BCOR: variants seen among roughly 807,000 people sequenced by gnomAD.
The protein encoded by BCOR is BCL6 corepressor, also known as BCL-6 corepressor.
A neutral mutation model predicts 86.7 loss-of-function variants in BCOR; 10 were observed. The observed-to-expected ratio is 0.12, with a 90% CI of 0.07 to 0.20. BCOR has a LOEUF of 0.20. Ranked by LOEUF, BCOR falls within the 10% of genes least tolerant of loss-of-function variation. The probability of loss-of-function intolerance (pLI) is 1.00; values close to 1 mark genes in which losing one functional copy is unlikely to be tolerated. For synonymous variants in BCOR, 611 were observed against 609.0 expected, an observed-to-expected ratio of 1.00 and a Z score of -0.05; for missense variants, 1,259 against 1,452.1, an observed-to-expected ratio of 0.87 and a Z score of 2.16.
rs182973004 is a variant in BCOR at position 40,075,352 on chromosome X, C to T, written c.166-172G>A. Reference sequence around the variant, plus strand: ...GGGGTCTGTTTCCCCACCCCCTTATCCAAACCCCTTTGCTGCCTGCCTTCT... The same window carrying T: ...GGGGTCTGTTTCCCCACCCCCTTATTCAAACCCCTTTGCTGCCTGCCTTCT... On this transcript the variant is annotated intron_variant, in intron 3 of 14. Transcript: ENST00000378444. 7.3e-3 allele frequency among the ~76,000 whole-genome samples: 807 copies of T among 111,270 alleles called. 3 individuals carry two copies. Among genetic ancestry groups the T allele is most frequent in the Middle Eastern group, 0.023 (5 of 219 alleles).
chrX:40,158,359 C>T (rs888336663), intron 1 of BCOR, among the ~76,000 whole-genome samples: 3 of 111,952 alleles, frequency 2.7e-5, no homozygotes, highest in African/African-American at 9.7e-5. Context: ...GCAGGCGGCG[C>T]TGCCCCCGGC....
chrX:40,117,954 C>A (rs1937420628), intron 1 of BCOR, among the ~76,000 whole-genome samples: 1 of 94,789 alleles, frequency 1.1e-5, no homozygotes, highest in Admixed American at 1.1e-4. Flanking sequence ...ACTATGCTCG[C>A]ACTCTTTCTC....
chrX:40,150,681 C>T (rs1291836578), intron 1 of BCOR, among the ~76,000 whole-genome samples: 1 of 111,739 alleles, frequency 8.9e-6, no homozygotes, highest in Non-Finnish European at 1.9e-5. Context: ...GGTGGTGGTT[C>T]CTACACCCAG....
upstream of BCOR, among the ~76,000 whole-genome samples, chrX:40,099,281 A>C (rs1295748303): frequency 8.9e-6 from 1 of 112,285 alleles, no homozygotes; most frequent in African/African-American, 3.2e-5. Context: ...CCCGGAGCGC[A>C]AAGCCTCAAG....
intron 1 of BCOR, among the ~76,000 whole-genome samples, chrX:40,117,919 C>A (rs886197343): frequency 3.6e-5 from 4 of 109,745 alleles, no homozygotes; most frequent in African/African-American, 1.3e-4. Flanking sequence ...AACTACTATT[C>A]GAGAGATAGT....
chrX:40,066,039 G>A (rs1357627627), intron 6 of BCOR, among the ~76,000 whole-genome samples: 1 of 110,609 alleles, frequency 9.0e-6, no homozygotes, highest in Non-Finnish European at 1.9e-5. Flanking sequence ...TTCTAAGGGG[G>A]AACAGATGGG....
At chrX:40,068,753 A>C (rs1210695448) in intron 6 of BCOR, among the ~76,000 whole-genome samples, 4 of 113,365 alleles carry the variant, frequency 3.5e-5, no homozygotes, top group African/African-American at 1.3e-4. Context: ...CTCCTAACTC[A>C]TTTGTTCAAT....
chrX:40,128,706 C>T (rs1408945114), intron 1 of BCOR, among the ~76,000 whole-genome samples: 2 of 111,563 alleles, frequency 1.8e-5, no homozygotes, highest in Non-Finnish European at 3.8e-5. Flanking sequence ...TCTTTATCTG[C>T]CCTCCAATAA....
intron 12 of BCOR, 43 bp downstream of exon 12, chrX:40,055,325 C>T (rs1170958581): frequency 8.8e-7 from 1 of 1,137,168 alleles, no homozygotes; most frequent in East Asian, 3.0e-5. Flanking sequence ...ATCGAGTTAT[C>T]ATCTAATTTT....
At chrX:40,156,343 G>A (rs1415989623) in intron 1 of BCOR, among the ~76,000 whole-genome samples, 3 of 111,225 alleles carry the variant, frequency 2.7e-5, no homozygotes, top group African/African-American at 9.8e-5. Context: ...TGCAGCTTAG[G>A]CTCTGGCCCG....
intron 6 of BCOR, among the ~76,000 whole-genome samples, chrX:40,065,689 T>C (rs1467354864): frequency 8.9e-6 from 1 of 112,118 alleles, no homozygotes; most frequent in East Asian, 2.8e-4. Context: ...GATAACTACT[T>C]AATGACCACT....
chrX:40,171,474 A>C (rs373358023), intron 1 of BCOR, among the ~76,000 whole-genome samples: 1 of 93,256 alleles, frequency 1.1e-5, no homozygotes, highest in African/African-American at 4.1e-5. Flanking sequence ...TGGGGGATTC[A>C]TGTGTTTAGG....
chrX:40,080,057 C>T (rs997624468), intron 1 of BCOR, among the ~76,000 whole-genome samples: 5 of 80,678 alleles, frequency 6.2e-5, no homozygotes, highest in Non-Finnish European at 1.0e-4. Context: ...CTCAACCAAA[C>T]CCCCAAGAAA....
intron 1 of BCOR, among the ~76,000 whole-genome samples, chrX:40,125,758 A>G (rs777931336): frequency 9.6e-4 from 108 of 112,225 alleles, no homozygotes; most frequent in Non-Finnish European, 1.8e-3. Context: ...ATGCCACTAC[A>G]TTTTTGGGCA....
intron 1 of BCOR, among the ~76,000 whole-genome samples, chrX:40,132,173 T>C (rs927510911): frequency 8.9e-6 from 1 of 112,016 alleles, no homozygotes; most frequent in East Asian, 2.8e-4. Context: ...AACTGATTGC[T>C]ACAGGAGTGT....
At chrX:40,151,216 G>A (rs1039514493) in intron 1 of BCOR, among the ~76,000 whole-genome samples, 1 of 112,582 alleles carries the variant, frequency 8.9e-6, no homozygotes, top group South Asian at 3.6e-4. Context: ...GGCCCAAGGC[G>A]CAGGTGAGCT....
Position 40,158,745 on chromosome X carries a change from C to T in BCOR, c.-41+18262G>A, listed in dbSNP as rs1313618138. Among the ~76,000 whole-genome samples the T allele has an allele frequency of 4.4e-5, 5 of 112,546 alleles. No individual in the cohort carries two copies. In the East Asian group the frequency reaches 1.4e-3, roughly 32 times the overall value. On this transcript the variant is annotated intron_variant, in intron 1 of 14. Transcript: ENST00000342274. ...AGGCCAGAGAGGATTTGAGAGTTAC[C>T]ACGGTTTAGGGCTCCTGATTGGAGA...
intron 1 of BCOR, among the ~76,000 whole-genome samples, chrX:40,168,800 T>G (rs1938559488): frequency 8.8e-6 from 1 of 113,483 alleles, no homozygotes; most frequent in African/African-American, 3.2e-5. Context: ...GGCAAATATG[T>G]AGCTATTAAA....
rs1934292529 is a variant in BCOR, at chrX:40,051,323, A to G, written c.*786T>C. On this transcript the variant is annotated 3_prime_UTR_variant, in exon 15 of 15. Coordinates refer to ENST00000378444, the MANE Select transcript of BCOR (RefSeq NM_001123385.2). ...TAAAATATAAATACAAAGGCAGAGA[A>G]TTTACTTACAAAGTTAAAACACAGA... is the stretch of plus-strand genomic sequence containing the variant. 5.9e-6 allele frequency: 1 copy of G among 169,029 alleles called. No homozygotes were observed. Among genetic ancestry groups the G allele is most frequent in the Non-Finnish European group, 1.1e-5 (1 of 88,148 alleles). 13.9% of individuals were successfully genotyped at this position (169,029 alleles called of 1,213,427 possible).
Sources: allele counts gnomAD v4.1 joint callset (sites outside exome capture counted in the v4.1 genomes callset), GRCh38; gene constraint gnomAD v4.1.1; transcripts MANE v1.5; gene names NCBI Gene and HGNC (gene_info 2026-07-23, HGNC 2026-07-21).